The following DNAH11 variants were observed in gnomAD, a reference collection of about 807,000 sequenced individuals.
DNAH11 encodes axonemal beta dynein heavy chain 11.
Under a neutral mutation model 526.0 loss-of-function variants are expected in DNAH11, and 442 were observed. The observed-to-expected ratio is 0.84, with a 90% confidence interval of 0.78 to 0.91. The LOEUF (loss-of-function observed/expected upper bound fraction) is 0.91, where lower values mean the gene tolerates loss of function less well. DNAH11 is among the 40% of genes least tolerant of loss of function. The pLI, the probability that DNAH11 is intolerant of heterozygous loss-of-function variation, is 0.00. For synonymous variants in DNAH11, 2,461 were observed against 1,935.9 expected (o/e 1.27, Z -7.12); for missense variants, 6,989 against 5,448.7 (o/e 1.28, Z -8.90).
intron 65 of DNAH11, 53 bp from the exon 66 acceptor site, chr7:21,842,491 A>G (rs1782244205): frequency 3.5e-6 from 5 of 1,429,430 alleles, no homozygotes; most frequent in South Asian, 1.3e-5. Flanking sequence ...ACACCGTAGT[A>G]TCAGTTATGG....
At chr7:21,695,837 A>G (rs1052807140) in intron 35 of DNAH11, among the ~76,000 whole-genome samples, 3 of 152,186 alleles carry the variant, frequency 2.0e-5, no homozygotes, top group African/African-American at 7.2e-5. Context: ...TTTGCAATCT[A>G]TCCATCTGAC....
chr7:21,606,962 CT>C (rs1785315247), intron 20 of DNAH11, among the ~76,000 whole-genome samples: 1 of 152,000 alleles, frequency 6.6e-6, no homozygotes. Context: ...AGGGACAGGA[CT>C]AGTAGGATAG....
intron 30 of DNAH11, among the ~76,000 whole-genome samples, chr7:21,673,388 A>T: frequency 6.6e-6 from 1 of 152,218 alleles, no homozygotes. Flanking sequence ...TAGAAAACAC[A>T]TACACAGTAC....
rs966991458 is a variant in DNAH11, at chr7:21,612,508, T to C, written c.3853-2606T>C. On this transcript the variant is annotated intron_variant, in intron 20 of 81. Transcript: ENST00000409508. Reference sequence around the variant, plus strand: ...AGGCAGAGCTTGCAGTGAGCCAAGATTGCACCACTGCACTCCAGCCTGGGC... The same window carrying C: ...AGGCAGAGCTTGCAGTGAGCCAAGACTGCACCACTGCACTCCAGCCTGGGC... 4.2e-5 allele frequency among the ~76,000 whole-genome samples: 6 copies of C among 143,172 alleles called. No homozygotes were observed. In the South Asian group the frequency reaches 9.1e-4, roughly 22 times the overall value. 93.9% of individuals were successfully genotyped at this position (143,172 alleles called of 152,430 possible). A position where few individuals can be genotyped will look rare whatever the true frequency, so the allele number is the denominator to read the frequency against.
chr7:21,828,981 C>A (rs1016135498), intron 65 of DNAH11, among the ~76,000 whole-genome samples: 17 of 152,124 alleles, frequency 1.1e-4, no homozygotes, highest in Non-Finnish European at 2.1e-4. Context: ...CAGCTTTCAA[C>A]CAAAACCTTT....
intron 3 of DNAH11, 128 bp from the exon 4 acceptor site, chr7:21,559,475 A>G: frequency 1.3e-6 from 1 of 791,586 alleles, no homozygotes; most frequent in South Asian, 2.0e-5. Flanking sequence ...AAGACCATAA[A>G]AATAATGGAT....
rs756202217 is a variant in DNAH11 at position 21,707,863 on chromosome 7, AT to A, written c.6683+38del. The A allele has an allele frequency of 6.4e-4, 947 of 1,469,878 alleles. 3 individuals are homozygous for A. The highest frequency in any genetic ancestry group is 2.7e-3 in the South Asian group (198 of 72,458). The allele number at this position is 1,469,878 out of a possible 1,614,324, so 91.1% of individuals were successfully genotyped here. On this transcript the variant is annotated intron_variant, in intron 40 of 81. Transcript: ENST00000409508. The stretch of plus-strand genomic sequence containing the variant: ...AGTATTTCCCCTTTAGAAGTGCTCA[AT>A]TTTTTTTTTCTATCCAGAAAGCCGT...
In DNAH11 at chr7:21,594,224, C is replaced by A. The variant is rs182886347; in HGVS notation, c.2667+2647C>A. On this transcript the variant is annotated intron_variant, in intron 14 of 81. Coordinates refer to ENST00000409508, the MANE Select transcript of DNAH11 (RefSeq NM_001277115.2). The stretch of plus-strand genomic sequence containing the variant: ...ATGTGTAAAATGAAGGTCCTTGTCT[C>A]TAGGATAATTCTCAGCAGAACAAGA... Among the ~76,000 whole-genome samples, 3 of 152,210 alleles carry A rather than the reference C, an allele frequency of 2.0e-5. No individual in the cohort carries two copies. The South Asian group carries it at 6.2e-4, about 32-fold the overall frequency.
chr7:21,779,179 G>T, intron 57 of DNAH11, 75 bp downstream of exon 57: 1 of 1,502,486 alleles, frequency 6.7e-7, no homozygotes, highest in Non-Finnish European at 9.0e-7. Context: ...GAACAATTTT[G>T]AACAACTTCC....
intron 18 of DNAH11, among the ~76,000 whole-genome samples, chr7:21,604,694 A>C (rs35349017): frequency 0.028 from 4,293 of 152,316 alleles, 96 homozygotes; most frequent in Non-Finnish European, 0.043. Context: ...ATTTTTACCA[A>C]GTAAAAACTT....
At position 21,866,616 on chromosome 7, in the gene DNAH11, G is replaced by C. The variant is rs1165264396; in HGVS notation, c.11643G>C (p.Leu3881=). The C allele has an allele frequency of 3.7e-6, 6 of 1,613,854 alleles. No homozygotes were observed. The Admixed American group carries it at 1.0e-4, about 27-fold the overall frequency. The change falls in exon 71 of 82, where the codon CTG becomes CTC. Residue 3881 remains leucine, a synonymous_variant. Coordinates refer to ENST00000409508, the MANE Select transcript of DNAH11 (RefSeq NM_001277115.2). ...EWKKKSLIQK[L]ILLRAMRPDR... is the part of the protein sequence containing the mutation. ...AGAAGAAAAGTTTAATACAGAAGCT[G>C]ATTCTTCTGAGAGCAATGCGCCCTG... is the stretch of plus-strand genomic sequence containing the variant.
At chr7:21,690,435 G>T (rs576729236) in intron 34 of DNAH11, among the ~76,000 whole-genome samples, 1 of 152,268 alleles carries the variant, frequency 6.6e-6, no homozygotes, top group Admixed American at 6.5e-5. Context: ...AGGAATTGCA[G>T]CCCATGTTGA....
intron 5 of DNAH11, among the ~76,000 whole-genome samples, chr7:21,562,125 T>C (rs977396501): frequency 1.3e-5 from 2 of 152,242 alleles, no homozygotes; most frequent in East Asian, 1.9e-4. Flanking sequence ...ATTGGCCAAA[T>C]TGGCCTATTA....
chr7:21,771,647 C>G (rs911010834), intron 55 of DNAH11, among the ~76,000 whole-genome samples: 6 of 152,168 alleles, frequency 3.9e-5, no homozygotes, highest in Admixed American at 1.3e-4. Flanking sequence ...TACTGGCACT[C>G]TGCTTATTTT....
intron 32 of DNAH11, 134 bp downstream of exon 32, chr7:21,684,078 G>A (rs1783265676): frequency 5.4e-6 from 5 of 927,252 alleles, no homozygotes; most frequent in Non-Finnish European, 1.6e-6. Context: ...AATTGAATTA[G>A]AGAAACAGAG....
At chr7:21,676,160 C>T (rs1281741550) in intron 30 of DNAH11, among the ~76,000 whole-genome samples, 2 of 152,126 alleles carry the variant, frequency 1.3e-5, no homozygotes, top group Non-Finnish European at 2.9e-5. Flanking sequence ...CTAAGTTGGG[C>T]TTATTTCTAG....
intron 66 of DNAH11, among the ~76,000 whole-genome samples, chr7:21,848,947 A>T (rs1178084925): frequency 6.6e-6 from 1 of 152,114 alleles, no homozygotes; most frequent in Non-Finnish European, 1.5e-5. Flanking sequence ...GTGCAATGGC[A>T]CAATCTCGGC....
chr7:21,667,034 T>C (rs1020768830), intron 30 of DNAH11, among the ~76,000 whole-genome samples: 1 of 152,084 alleles, frequency 6.6e-6, no homozygotes, highest in Admixed American at 6.6e-5. Flanking sequence ...GAGGAAGCTA[T>C]TGCAATGGTA....
intron 40 of DNAH11, among the ~76,000 whole-genome samples, chr7:21,709,015 T>C (rs1784369072): frequency 6.6e-6 from 1 of 152,216 alleles, no homozygotes. Flanking sequence ...GAAATTAGTT[T>C]GGAGATTTCT....
Sources: gnomAD v4.1 joint callset for allele counts (sites outside exome capture counted in the v4.1 genomes callset) on GRCh38, gnomAD v4.1.1 for gene constraint, MANE v1.5 for transcripts, NCBI Gene and HGNC (gene_info 2026-07-23, HGNC 2026-07-21) for gene names.